The following SLC14A2 variants were observed in gnomAD, a reference collection of about 807,000 sequenced individuals.
SLC14A2 encodes solute carrier family 14 member 2.
SLC14A2 carries 91 observed loss-of-function variants against 104.6 expected under a neutral mutation model. The observed-to-expected ratio is 0.87, with a 90% confidence interval of 0.73 to 1.04. The LOEUF is 1.04. Among genes scored for constraint, SLC14A2 ranks in the 50% least tolerant of loss-of-function variants. The pLI, the probability that SLC14A2 is intolerant of heterozygous loss-of-function variation, is 0.00. For synonymous variants in SLC14A2, 476 were observed against 466.4 expected (o/e 1.02, Z -0.27); for missense variants, 1,189 against 1,156.0 (o/e 1.03, Z -0.41).
chr18:45,266,690 A>G (rs951445621), intron 1 of SLC14A2, among the ~76,000 whole-genome samples: 6 of 152,158 alleles, frequency 3.9e-5, no homozygotes, highest in Admixed American at 3.3e-4. Flanking sequence ...CTGGGTGCCA[A>G]TCACCCTTTG....
intron 1 of SLC14A2, among the ~76,000 whole-genome samples, chr18:45,248,835 C>T (rs899406708): frequency 2.2e-4 from 33 of 152,170 alleles, no homozygotes; most frequent in African/African-American, 7.0e-4. Context: ...GGTCAAAATT[C>T]TCCTCTCTCT....
chr18:45,565,709 A>G (rs1446336052), intron 2 of SLC14A2, among the ~76,000 whole-genome samples: 2 of 152,188 alleles, frequency 1.3e-5, no homozygotes, highest in African/African-American at 2.4e-5. Context: ...TCCTACCCAC[A>G]TACAGCCAGG....
chr18:45,667,968 G>C lies in SLC14A2; in HGVS notation c.1853G>C (p.Gly618Ala). The C allele has an allele frequency of 1.2e-6, 2 of 1,614,098 alleles. No individual in the cohort carries two copies. Among genetic ancestry groups the C allele is most frequent in the South Asian group, 2.2e-5 (2 of 91,076 alleles). ...FIQNPWWAIS[G>A]CLGTIMSTLT... ...CAGAACCCCTGGTGGGCGATCTCAG[G>C]CTGCCTGGGTACCATCATGTCCACC... The change falls in exon 14 of 20, where the codon GGC becomes GCC. Residue 618 changes from glycine to alanine, a missense_variant. Physicochemically the swap from Gly to Ala is moderately conservative, Grantham distance 60. Coordinates refer to ENST00000255226, the MANE Select transcript of SLC14A2 (RefSeq NM_007163.4).
chr18:45,641,666 C>G (rs1468051105), intron 8 of SLC14A2, among the ~76,000 whole-genome samples: 1 of 152,212 alleles, frequency 6.6e-6, no homozygotes, highest in African/African-American at 2.4e-5. Flanking sequence ...TTATACAACA[C>G]CATCAAGTGC....
At chr18:45,521,490 A>T (rs906816672) in intron 2 of SLC14A2, among the ~76,000 whole-genome samples, 1 of 152,212 alleles carries the variant, frequency 6.6e-6, no homozygotes, top group African/African-American at 2.4e-5. Flanking sequence ...GGTACAAAAA[A>T]GACTTGGAAA....
chr18:45,366,019 A>G (rs994076109), intron 1 of SLC14A2, among the ~76,000 whole-genome samples: 2 of 152,122 alleles, frequency 1.3e-5, no homozygotes, highest in African/African-American at 4.8e-5. Flanking sequence ...ATCAACTTCA[A>G]TAAACTTAGT....
chr18:45,315,846 G>A (rs1236105810), intron 1 of SLC14A2, among the ~76,000 whole-genome samples: 1 of 152,182 alleles, frequency 6.6e-6, no homozygotes, highest in Non-Finnish European at 1.5e-5. Flanking sequence ...GAAGAGGTTG[G>A]CGTGGAAAAG....
In SLC14A2 at chr18:45,213,518, C is replaced by T. The variant is rs556061226; in HGVS notation, c.-125+327C>T. Among the ~76,000 whole-genome samples the T allele has an allele frequency of 3.3e-5, 5 of 151,990 alleles. 1 individual carries two copies. In the South Asian group the frequency reaches 1.0e-3, roughly 32 times the overall value. On this transcript the variant is annotated intron_variant, in intron 1 of 20. Coordinates refer to the SLC14A2 transcript ENST00000586448. Reference sequence around the variant, plus strand: ...TTTTTAACTAGTAGATTTTATATACCAAAAGCATTAATAATAGTGGAGAAA... The same window carrying T: ...TTTTTAACTAGTAGATTTTATATACTAAAAGCATTAATAATAGTGGAGAAA...
At chr18:45,388,601 G>T (rs2085926935) in intron 1 of SLC14A2, among the ~76,000 whole-genome samples, 1 of 152,038 alleles carries the variant, frequency 6.6e-6, no homozygotes, top group Non-Finnish European at 1.5e-5. Context: ...TTTATATATT[G>T]AGATGCTGAA....
intron 1 of SLC14A2, among the ~76,000 whole-genome samples, chr18:45,241,533 A>C (rs936793100): frequency 3.3e-5 from 5 of 152,114 alleles, no homozygotes; most frequent in African/African-American, 1.2e-4. Context: ...ACAGAGGTGC[A>C]GCCTGAAAAC....
chr18:45,547,550 G>A (rs190638052), intron 2 of SLC14A2, among the ~76,000 whole-genome samples: 27 of 152,306 alleles, frequency 1.8e-4, no homozygotes, highest in African/African-American at 6.3e-4. Context: ...TGGAACTGAC[G>A]GAACTCTTAG....
At chr18:45,327,243 G>A (rs1402241351) in intron 1 of SLC14A2, among the ~76,000 whole-genome samples, 2 of 134,792 alleles carry the variant, frequency 1.5e-5, no homozygotes, top group East Asian at 4.1e-4. Context: ...AATGTAATTA[G>A]TATATTTTTT....
chr18:45,266,392 A>G (rs73425999), intron 1 of SLC14A2, among the ~76,000 whole-genome samples: 4 of 152,102 alleles, frequency 2.6e-5, no homozygotes, highest in African/African-American at 9.7e-5. Flanking sequence ...GGTCTTGGCC[A>G]TGTCATGCTA....
chr18:45,510,590 G>A lies in SLC14A2; in HGVS notation c.-35+27268G>A, dbSNP rs141865655. Among the ~76,000 whole-genome samples the A allele has an allele frequency of 4.1e-3, 624 of 152,012 alleles. 4 individuals carry two copies. The highest frequency in any genetic ancestry group is 7.1e-3 in the Non-Finnish European group (484 of 67,962). ...CCTGCTGATCAGGGTCCTGCCTCCC[G>A]AAAGTGATCTAAGCCAATGCCCCAC... On this transcript the variant is annotated intron_variant, in intron 2 of 20. Transcript: ENST00000586448.
At chr18:45,208,861 A>C (rs1284646564), upstream of SLC14A2, among the ~76,000 whole-genome samples, 1 of 151,974 alleles carries the variant, frequency 6.6e-6, no homozygotes, top group Non-Finnish European at 1.5e-5. Context: ...AGTATTATGG[A>C]ATGAGGTAGC....
intron 1 of SLC14A2, among the ~76,000 whole-genome samples, chr18:45,481,070 A>C (rs2087483804): frequency 6.6e-6 from 1 of 152,084 alleles, no homozygotes; most frequent in Non-Finnish European, 1.5e-5. Flanking sequence ...ACAGGCTAAG[A>C]GAAGTTTTGT....
At chr18:45,222,796 C>A (rs539590279) in intron 1 of SLC14A2, among the ~76,000 whole-genome samples, 33 of 152,178 alleles carry the variant, frequency 2.2e-4, no homozygotes, top group Non-Finnish European at 4.1e-4. Context: ...TTGCTTGGAT[C>A]GACTTCCCTA....
At chr18:45,527,972 C>CT (rs1464602077) in intron 2 of SLC14A2, 2 of 152,228 alleles carry the variant, frequency 1.3e-5, no homozygotes, top group African/African-American at 4.8e-5. Flanking sequence ...GCAGAAAACT[C>CT]TGTGTGTGTA....
At chr18:45,313,512 C>T (rs375690342) in intron 1 of SLC14A2, among the ~76,000 whole-genome samples, 1 of 152,144 alleles carries the variant, frequency 6.6e-6, no homozygotes. Context: ...ATTATATAGA[C>T]CTAATGAGAG....
Sources: gnomAD v4.1 joint callset for allele counts (sites outside exome capture counted in the v4.1 genomes callset) on GRCh38, gnomAD v4.1.1 for gene constraint, MANE v1.5 for transcripts, NCBI Gene and HGNC (gene_info 2026-07-23, HGNC 2026-07-21) for gene names.